The following TRIM45 variants were observed in gnomAD, a reference collection of about 807,000 sequenced individuals.
TRIM45 encodes the protein E3 ubiquitin-protein ligase TRIM45.
A neutral mutation model predicts 46.7 loss-of-function variants in TRIM45; 45 were observed. That is an observed-to-expected ratio of 0.96 (90% CI 0.76 to 1.24). The LOEUF (loss-of-function observed/expected upper bound fraction) is 1.24. Ranked by LOEUF, TRIM45 falls within the 50% of genes most tolerant of loss-of-function variation. TRIM45 has a pLI of 0.00. For synonymous variants in TRIM45, 259 were observed against 285.8 expected (o/e 0.91, Z 0.94); for missense variants, 680 against 728.4 (o/e 0.93, Z 0.77).
At position 117,115,714 on chromosome 1, in the gene TRIM45, A is replaced by G. The variant is rs112306956; in HGVS notation, c.1353-25T>C. 6.6e-7 allele frequency: 1 copy of G among 1,525,428 alleles called. No homozygotes were observed. The allele number at this position is 1,525,428 out of a possible 1,614,324, so 94.5% of individuals were successfully genotyped here. On this transcript the variant is annotated intron_variant, in intron 3 of 5. Transcript: ENST00000256649. This position sits in a 1 kb window ranked among gnomAD's most constrained non-coding sequence, Gnocchi z 4.2. Reference sequence around the variant, plus strand: ...GCTGAATGGAGATAAGAGTCAAAACACCACTCACTTCCACAAGCTGGCTTC... The same window carrying G: ...GCTGAATGGAGATAAGAGTCAAAACGCCACTCACTTCCACAAGCTGGCTTC...
chr1:117,121,992 C>G (rs939952238), upstream of TRIM45: 54 of 595,688 alleles, frequency 9.1e-5, no homozygotes, highest in Non-Finnish European at 1.5e-4. The surrounding 1 kb of genome is among the most constrained non-coding windows in gnomAD (Gnocchi z 4.2). Context: ...AGGCTCGGAG[C>G]GAGCGGCATA....
rs1023778507 is a variant in TRIM45, at chr1:117,111,315, G to A, written c.*990C>T. 1 of 152,172 alleles carries A rather than the reference G, an allele frequency of 6.6e-6. No homozygotes were observed. The highest frequency in any genetic ancestry group is 1.5e-5 in the Non-Finnish European group (1 of 68,032). The allele number at this position is 152,172 out of a possible 1,614,324, so 9.4% of individuals were successfully genotyped here. A position where few individuals can be genotyped will look rare whatever the true frequency, so the allele number is the denominator to read the frequency against. On this transcript the variant is annotated 3_prime_UTR_variant, in exon 6 of 6. Coordinates refer to ENST00000256649, the MANE Select transcript of TRIM45 (RefSeq NM_025188.4). ...AAAGACTACTCTACTAAAAAACAGA[G>A]CTGTGAGAAGGATGAAGGTGTCTAG...
In TRIM45 at chr1:117,120,653, G is replaced by A. The variant is rs76812052; in HGVS notation, c.488+61C>T. 8.8e-3 allele frequency: 13,457 copies of A among 1,527,584 alleles called. 82 individuals carry two copies. The highest frequency in any genetic ancestry group is 9.9e-3 in the Non-Finnish European group (11,242 of 1,137,858). 94.6% of individuals were successfully genotyped at this position (1,527,584 alleles called of 1,614,324 possible). On this transcript the variant is annotated intron_variant, in intron 1 of 5. Transcript: ENST00000256649. ...TTTTCATCTGCTCACCGAGGGATTT[G>A]TCTTGACACCTCTTTGTAATCTGCT... is the stretch of plus-strand genomic sequence containing the variant.
chr1:117,112,560 A>C (rs1380304338), intron 5 of TRIM45, 107 bp from the exon 6 acceptor site: 4 of 1,118,324 alleles, frequency 3.6e-6, no homozygotes, highest in African/African-American at 1.6e-5. Context: ...GATTCATGGG[A>C]GTGAAAATAT....
At position 117,117,976 on chromosome 1, in the gene TRIM45, T is replaced by C; in HGVS notation, c.1222+58A>G. 2 of 1,566,146 alleles carry C rather than the reference T, an allele frequency of 1.3e-6. No homozygotes were observed. Among genetic ancestry groups the C allele is most frequent in the Non-Finnish European group, 1.7e-6 (2 of 1,156,064 alleles). ...TCCTAGCAGAACAAGCCACCAATCT[T>C]CACACACCACCTCCCTGTCCACTGC... On this transcript the variant is annotated intron_variant, in intron 2 of 5. Coordinates refer to ENST00000256649, the MANE Select transcript of TRIM45 (RefSeq NM_025188.4). The surrounding 1 kb of genome is among the most constrained non-coding windows in gnomAD (Gnocchi z 4.9).
In TRIM45 at chr1:117,118,269, C is replaced by T; in HGVS notation, c.987G>A (p.Glu329=). ...QLLADMRTGV[E]FTEHLLTSGS... is the part of the protein sequence containing the mutation. Reference sequence around the variant, plus strand: ...CGCTGGTCAGCAAGTGCTCGGTGAACTCCACTCCAGTCCGCATGTCTGCCA... The same window carrying T: ...CGCTGGTCAGCAAGTGCTCGGTGAATTCCACTCCAGTCCGCATGTCTGCCA... The change falls in exon 2 of 6, where the codon GAG becomes GAA. Residue 329 remains glutamate (E), a synonymous_variant. Coordinates refer to ENST00000256649, the MANE Select transcript of TRIM45 (RefSeq NM_025188.4). This position sits in a 1 kb window ranked among gnomAD's most constrained non-coding sequence, Gnocchi z 5.7. 1 of 1,614,214 alleles carries T rather than the reference C, an allele frequency of 6.2e-7. No homozygotes were observed. Among genetic ancestry groups the T allele is most frequent in the African/African-American group, 1.3e-5 (1 of 75,062 alleles).
At chr1:117,120,222 A>C (rs1650568170) in intron 1 of TRIM45, among the ~76,000 whole-genome samples, 1 of 152,230 alleles carries the variant, frequency 6.6e-6, no homozygotes. Context: ...AATGTAGTCA[A>C]AATGATCTGG....
Position 117,113,300 on chromosome 1 carries a change from C to A in TRIM45, c.1594+59G>T. The A allele has an allele frequency of 2.5e-6, 4 of 1,593,158 alleles. No individual in the cohort carries two copies. The highest frequency in any genetic ancestry group is 1.3e-5 in the African/African-American group (1 of 74,776). On this transcript the variant is annotated intron_variant, in intron 5 of 5. Transcript: ENST00000256649. The surrounding 1 kb of genome is among the most constrained non-coding windows in gnomAD (Gnocchi z 4.0). ...CTAGTGGCTGTGTGGTAGGGAAGGG[C>A]CCGTCGCTTGATTCCCACTGCTGGC... is the stretch of plus-strand genomic sequence containing the variant.
At chr1:117,123,798 T>G (rs976273795), upstream of TRIM45, among the ~76,000 whole-genome samples, 28 of 152,156 alleles carry the variant, frequency 1.8e-4, no homozygotes, top group Middle Eastern at 3.4e-3. Flanking sequence ...CCTGGCTAAT[T>G]TTTTGTATTT....
In TRIM45 at chr1:117,116,321, C is replaced by T. The variant is rs1397480935; in HGVS notation, c.1352+295G>A. Among the ~76,000 whole-genome samples the T allele has an allele frequency of 1.3e-5, 2 of 151,768 alleles. No individual in the cohort carries two copies. On this transcript the variant is annotated intron_variant, in intron 3 of 5. Coordinates refer to ENST00000256649, the MANE Select transcript of TRIM45 (RefSeq NM_025188.4). This position sits in a 1 kb window ranked among gnomAD's most constrained non-coding sequence, Gnocchi z 4.6. ...CAATCACAGCTCACTGCAACCTCGA[C>T]CTCCTGGGCTCAAGGGATCCTCCCA... is the stretch of plus-strand genomic sequence containing the variant.
rs1408942255 is a variant in TRIM45, at chr1:117,113,985, T to C, written c.1468-500A>G. On this transcript the variant is annotated intron_variant, in intron 4 of 5. Transcript: ENST00000256649. The surrounding 1 kb of genome is among the most constrained non-coding windows in gnomAD (Gnocchi z 4.0). ...ATTAGTAATCTCAGACTGACTTTTC[T>C]CTGGGATTCTCAATCTCAATTCTTA... Among the ~76,000 whole-genome samples the C allele has an allele frequency of 1.3e-5, 2 of 152,238 alleles. No individual in the cohort carries two copies. Among genetic ancestry groups the C allele is most frequent in the Non-Finnish European group, 2.9e-5 (2 of 68,044 alleles).
Position 117,112,180 on chromosome 1 carries a change from T to G in TRIM45, c.*125A>C, listed in dbSNP as rs45573635. ...ATAACTAACAAAAGAGCACTTGAAC[T>G]CCAGTGCAAGATAAGGCACTTTGTT... On this transcript the variant is annotated 3_prime_UTR_variant, in exon 6 of 6. Transcript: ENST00000256649. 6.2e-3 allele frequency: 6,283 copies of G among 1,010,090 alleles called. 20 individuals are homozygous for G. Among genetic ancestry groups the G allele is most frequent in the Middle Eastern group, 1.0e-2 (29 of 2,910 alleles). The allele number at this position is 1,010,090 out of a possible 1,614,324, so 62.6% of individuals were successfully genotyped here.
At chr1:117,123,076 A>C (rs1027868245), upstream of TRIM45, among the ~76,000 whole-genome samples, 2 of 152,128 alleles carry the variant, frequency 1.3e-5, no homozygotes, top group African/African-American at 2.4e-5. Flanking sequence ...AAATATAAAA[A>C]TGAAATGTTT....
chr1:117,116,150 C>A lies in TRIM45; in HGVS notation c.1353-461G>T, dbSNP rs1650389098. ...CTTTGAGAGAGAATTGAATACAAAA[C>A]CCACACAAGAAAACACATTTGGTCA... On this transcript the variant is annotated intron_variant, in intron 3 of 5. Coordinates refer to ENST00000256649, the MANE Select transcript of TRIM45 (RefSeq NM_025188.4). This position sits in a 1 kb window ranked among gnomAD's most constrained non-coding sequence, Gnocchi z 4.6. Among the ~76,000 whole-genome samples, 1 of 152,152 alleles carries A rather than the reference C, an allele frequency of 6.6e-6. No individual in the cohort carries two copies. Among genetic ancestry groups the A allele is most frequent in the Non-Finnish European group, 1.5e-5 (1 of 68,028 alleles).
chr1:117,113,522 T>TAG lies in TRIM45; in HGVS notation c.1468-38_1468-37insCT. The TAG allele has an allele frequency of 6.2e-7, 1 of 1,602,486 alleles. No individual in the cohort carries two copies. The highest frequency in any genetic ancestry group is 8.5e-7 in the Non-Finnish European group (1 of 1,173,086). On this transcript the variant is annotated intron_variant, in intron 4 of 5. Coordinates refer to ENST00000256649, the MANE Select transcript of TRIM45 (RefSeq NM_025188.4). The surrounding 1 kb of genome is among the most constrained non-coding windows in gnomAD (Gnocchi z 4.0). ...AGACCAAAAGCAATGAACAGCATCT[T>TAG]ACGAGTTAACAGGATGTGCTGCGCA...
chr1:117,119,817 A>G (rs2101354106), intron 1 of TRIM45, among the ~76,000 whole-genome samples: 1 of 152,306 alleles, frequency 6.6e-6, no homozygotes, highest in East Asian at 1.9e-4. Context: ...TGCAGAGAAA[A>G]TAGGGTTAGC....
Position 117,121,045 on chromosome 1 carries a change from GAC to G in TRIM45, c.155_156del (p.Cys52SerfsTer18), listed in dbSNP as rs1245812477. On this transcript the variant is annotated frameshift_variant, in exon 1 of 6. Coordinates refer to ENST00000256649, the MANE Select transcript of TRIM45 (RefSeq NM_025188.4). LOFTEE classifies it high-confidence loss of function. The surrounding 1 kb of genome is among the most constrained non-coding windows in gnomAD (Gnocchi z 4.2). Reference protein sequence around the residue: ...LPCLHTVCTTCLEQLEPFSVV... With the variant: ...LPCLHTVCTTXLEQLEPFSVV... ...ACTGAGAAGGGCTCCAGCTGCTCCA[GAC>G]ACGTGGTGCAAACTGTATGCAAACA... The G allele has an allele frequency of 1.1e-5, 18 of 1,614,192 alleles. No homozygotes were observed. The highest frequency in any genetic ancestry group is 1.5e-5 in the Non-Finnish European group (18 of 1,180,044).
At position 117,117,765 on chromosome 1, in the gene TRIM45, G is replaced by C. The variant is rs1398217624; in HGVS notation, c.1222+269C>G. 2.0e-5 allele frequency among the ~76,000 whole-genome samples: 3 copies of C among 152,160 alleles called. No homozygotes were observed. The highest frequency in any genetic ancestry group is 4.8e-5 in the African/African-American group (2 of 41,440). ...ACTGTCTCTGTTCTGCCATCTGATA[G>C]AAACAAAACATGATCTGTGTGTTTC... is the stretch of plus-strand genomic sequence containing the variant. On this transcript the variant is annotated intron_variant, in intron 2 of 5. Coordinates refer to ENST00000256649, the MANE Select transcript of TRIM45 (RefSeq NM_025188.4). The surrounding 1 kb of genome is among the most constrained non-coding windows in gnomAD (Gnocchi z 4.9).
At position 117,121,302 on chromosome 1, in the gene TRIM45, G is replaced by T; in HGVS notation, c.-101C>A. The T allele has an allele frequency of 7.1e-7, 1 of 1,404,520 alleles. No individual in the cohort carries two copies. Among genetic ancestry groups the T allele is most frequent in the East Asian group, 2.3e-5 (1 of 43,570 alleles). 87.0% of individuals were successfully genotyped at this position (1,404,520 alleles called of 1,614,324 possible). A position where few individuals can be genotyped will look rare whatever the true frequency, so the allele number is the denominator to read the frequency against. On this transcript the variant is annotated 5_prime_UTR_variant, in exon 1 of 6. Transcript: ENST00000256649. The surrounding 1 kb of genome is among the most constrained non-coding windows in gnomAD (Gnocchi z 4.2). ...CCCAAAGAGAAAGTCTCCAGAACTT[G>T]AACAGAGACCATGGGGACTCCCTCG...
Sources: gnomAD v4.1 joint callset for allele counts (sites outside exome capture counted in the v4.1 genomes callset) on GRCh38, gnomAD v4.1.1 for gene constraint, Gnocchi (gnomAD v3.1) non-coding constraint, MANE v1.5 for transcripts, NCBI Gene and HGNC (gene_info 2026-07-23, HGNC 2026-07-21) for gene names.